Variants in CHD8 observed in about 807,000 individuals in gnomAD.
CHD8 encodes chromodomain helicase DNA binding protein 8.
Under a neutral mutation model 279.2 loss-of-function variants are expected in CHD8, and 31 were observed. That is an observed-to-expected ratio of 0.11 (90% CI 0.08 to 0.15). The LOEUF is 0.15. Ranked by LOEUF, CHD8 falls within the 10% of genes least tolerant of loss-of-function variation. CHD8 has a pLI of 1.00. For synonymous variants in CHD8, 1,081 were observed against 1,139.6 expected (o/e 0.95, Z 1.04); for missense variants, 2,146 against 3,230.5 (o/e 0.66, Z 8.14).
At chr14:21,395,645 C>G in intron 28 of CHD8, 172 bp downstream of exon 28, 1 of 607,366 alleles carries the variant, frequency 1.6e-6, no homozygotes, top group Non-Finnish European at 2.9e-6. Flanking sequence ...CCTGATCTCC[C>G]CCTACTGGCA....
In CHD8 at chr14:21,405,515, T is replaced by C. The variant is rs1315931464; in HGVS notation, c.3052-51A>G. 6 of 1,577,048 alleles carry C rather than the reference T, an allele frequency of 3.8e-6. No homozygotes were observed. Among genetic ancestry groups the C allele is most frequent in the Non-Finnish European group, 4.3e-6 (5 of 1,162,508 alleles). On this transcript the variant is annotated intron_variant, in intron 15 of 37. Transcript: ENST00000646647. The surrounding 1 kb of genome is among the most constrained non-coding windows in gnomAD (Gnocchi z 4.2). The stretch of plus-strand genomic sequence containing the variant: ...TAAATCAATAAGATGAGGGCGAACA[T>C]TCTCACATTATGTAGAAACATGGAA...
In CHD8 at chr14:21,428,951, G is replaced by T. The variant is rs372126637; in HGVS notation, c.1215+13C>A. ...TTGTTTTCTTTCTTTTCCTTACTAT[G>T]TAAGTCTCTCACCTGTGGCTGCAGT... On this transcript the variant is annotated intron_variant, in intron 3 of 37. Coordinates refer to ENST00000646647, the MANE Select transcript of CHD8 (RefSeq NM_001170629.2). The T allele has an allele frequency of 3.3e-5, 53 of 1,613,528 alleles. No individual in the cohort carries two copies. Among genetic ancestry groups the T allele is most frequent in the Non-Finnish European group, 4.4e-5 (52 of 1,179,652 alleles).
intron 1 of CHD8, among the ~76,000 whole-genome samples, chr14:21,453,605 C>G (rs1314776066): frequency 6.6e-6 from 1 of 151,854 alleles, no homozygotes; most frequent in East Asian, 1.9e-4. Context: ...AGGACTGGCT[C>G]AAATCCAACT....
At chr14:21,386,651 C>A (rs547031620) in intron 37 of CHD8, among the ~76,000 whole-genome samples, 1 of 152,186 alleles carries the variant, frequency 6.6e-6, no homozygotes, top group South Asian at 2.1e-4. Flanking sequence ...TCCTGGCTAA[C>A]ACGGTGAAAC....
At position 21,401,546 on chromosome 14, in the gene CHD8, C is replaced by CT. The variant is rs113076568; in HGVS notation, c.4063-34dup. ...AAAACAAATGCAGAGGTAAAGCTGA[C>CT]TTTTTTTTTTAAGTGGTGCAAAATC... On this transcript the variant is annotated intron_variant, in intron 20 of 37. Transcript: ENST00000646647. The CT allele has an allele frequency of 0.7, 613,834 of 872,470 alleles. 189,204 individuals are homozygous for CT. The highest frequency in any genetic ancestry group is 0.79 in the Middle Eastern group (3,225 of 4,090). 54.0% of individuals were successfully genotyped at this position (872,470 alleles called of 1,614,324 possible).
intron 5 of CHD8, among the ~76,000 whole-genome samples, chr14:21,420,908 G>C (rs1051064703): frequency 6.6e-6 from 1 of 151,958 alleles, no homozygotes. Flanking sequence ...GATTACAAGC[G>C]TGCACCACCA....
intron 14 of CHD8, among the ~76,000 whole-genome samples, chr14:21,406,589 A>G (rs1280893102): frequency 6.6e-6 from 1 of 152,208 alleles, no homozygotes; most frequent in Non-Finnish European, 1.5e-5. Context: ...TTGTTGTAGG[A>G]CATTAAGTTT....
chr14:21,442,288 G>A (rs1227892247), intron 1 of CHD8, among the ~76,000 whole-genome samples: 1 of 152,020 alleles, frequency 6.6e-6, no homozygotes, highest in Admixed American at 6.6e-5. Flanking sequence ...GCAACACGGC[G>A]AAACCCTGTC....
intron 7 of CHD8, 26 bp downstream of exon 7, chr14:21,415,541 ATAAAAAT>A (rs1888682713): frequency 1.8e-6 from 2 of 1,087,112 alleles, no homozygotes; most frequent in African/African-American, 1.8e-5. Flanking sequence ...AAATAAATAA[ATAAAAAT>A]AATAATAATA....
intron 30 of CHD8, 65 bp from the exon 31 acceptor site, chr14:21,394,550 GTTAT>G: frequency 1.3e-6 from 1 of 750,822 alleles, no homozygotes; most frequent in Non-Finnish European, 1.8e-6. Context: ...AAGAAAACTG[GTTAT>G]TTTTTAATGT....
At chr14:21,387,203 G>A (rs1014999611) in intron 37 of CHD8, among the ~76,000 whole-genome samples, 16 of 152,052 alleles carry the variant, frequency 1.1e-4, no homozygotes, top group African/African-American at 3.9e-4. Flanking sequence ...TAAGAATTCT[G>A]GGCCAGGCGT....
At chr14:21,447,552 A>G (rs572384954) in intron 1 of CHD8, among the ~76,000 whole-genome samples, 1 of 152,090 alleles carries the variant, frequency 6.6e-6, no homozygotes, top group South Asian at 2.1e-4. Context: ...TTGTATTTTT[A>G]GTAGAGACGG....
In CHD8 at chr14:21,401,117, C is replaced by T. The variant is rs114296736; in HGVS notation, c.4174-46G>A. The T allele has an allele frequency of 8.0e-4, 1,123 of 1,403,418 alleles. 10 individuals carry two copies. The African/African-American group carries it at 0.014, about 18-fold the overall frequency. 86.9% of individuals were successfully genotyped at this position (1,403,418 alleles called of 1,614,324 possible). ...GAAGTAATTCTCTTCCTGATTTGCTCATGGGAAAAGAATAAGACAATTAGG... is the reference window on the plus strand; with the variant it reads ...GAAGTAATTCTCTTCCTGATTTGCTTATGGGAAAAGAATAAGACAATTAGG... On this transcript the variant is annotated intron_variant, in intron 21 of 37. Transcript: ENST00000646647.
intron 5 of CHD8, among the ~76,000 whole-genome samples, chr14:21,418,676 C>T (rs1279994028): frequency 3.9e-5 from 6 of 152,158 alleles, no homozygotes; most frequent in Admixed American, 6.5e-5. Flanking sequence ...ATTAGCTGGG[C>T]GTGGTGGCAG....
At chr14:21,407,794 A>G (rs1200933928) in intron 13 of CHD8, among the ~76,000 whole-genome samples, 1 of 152,062 alleles carries the variant, frequency 6.6e-6, no homozygotes, top group Non-Finnish European at 1.5e-5. Flanking sequence ...TCTTTAGTAG[A>G]GATGGGGTTT....
intron 1 of CHD8, among the ~76,000 whole-genome samples, chr14:21,447,372 C>T (rs58673747): frequency 0.033 from 5,011 of 151,142 alleles, 109 homozygotes; most frequent in African/African-American, 0.062. Context: ...ACACTATATC[C>T]CTTTTTTTTT....
chr14:21,454,258 C>A (rs934127156), intron 1 of CHD8, among the ~76,000 whole-genome samples: 1 of 151,800 alleles, frequency 6.6e-6, no homozygotes, highest in Non-Finnish European at 1.5e-5. Flanking sequence ...CAGGACAGAT[C>A]AAACATGGAG....
chr14:21,453,007 AC>A, intron 1 of CHD8, among the ~76,000 whole-genome samples: 1 of 151,306 alleles, frequency 6.6e-6, no homozygotes, highest in African/African-American at 2.4e-5. Context: ...AAAACAAAAA[AC>A]AAAGAAATAC....
intron 20 of CHD8, 30 bp from the exon 21 acceptor site, chr14:21,401,543 T>A (rs1888035766): frequency 7.8e-7 from 1 of 1,282,942 alleles, no homozygotes; most frequent in Admixed American, 3.6e-5. Flanking sequence ...GAGGTAAAGC[T>A]GACTTTTTTT....
Sources: gnomAD v4.1 joint callset for allele counts (sites outside exome capture counted in the v4.1 genomes callset) on GRCh38, gnomAD v4.1.1 for gene constraint, Gnocchi (gnomAD v3.1) non-coding constraint, MANE v1.5 for transcripts, NCBI Gene and HGNC (gene_info 2026-07-23, HGNC 2026-07-21) for gene names.